Variants in SATB2 observed in about 807,000 individuals in gnomAD.
SATB2 encodes DNA-binding protein SATB2.
SATB2 carries 1 observed loss-of-function variant against 73.4 expected under a neutral mutation model. That is an observed-to-expected ratio of 0.01 (90% CI 0.00 to 0.06). The LOEUF (loss-of-function observed/expected upper bound fraction) is 0.06, where lower values mean the gene tolerates loss of function less well. Ranked by LOEUF, SATB2 falls within the 10% of genes least tolerant of loss-of-function variation. SATB2 has a pLI of 1.00. For missense variants in SATB2, 459 were observed against 945.8 expected (o/e 0.49, Z 6.75); for synonymous variants, 397 against 367.0 (o/e 1.08, Z -0.93).
At chr2:199,279,666 T>C (rs538250544) in intron 10 of SATB2, among the ~76,000 whole-genome samples, 12 of 152,320 alleles carry the variant, frequency 7.9e-5, no homozygotes, top group African/African-American at 2.9e-4. Flanking sequence ...CTTCAGGTCC[T>C]GTAGGGTAAG....
chr2:199,402,780 T>A (rs1373317332), intron 3 of SATB2, among the ~76,000 whole-genome samples: 2 of 152,188 alleles, frequency 1.3e-5, no homozygotes, highest in African/African-American at 2.4e-5. Flanking sequence ...TATTTCATAA[T>A]AAGACATTTA....
intron 3 of SATB2, among the ~76,000 whole-genome samples, chr2:199,430,215 G>T (rs1033524715): frequency 1.3e-5 from 2 of 152,206 alleles, no homozygotes; most frequent in Admixed American, 1.3e-4. Context: ...AATAGTAAAG[G>T]AAGTGGTGAG....
At chr2:199,337,392 T>A (rs984597142) in intron 7 of SATB2, among the ~76,000 whole-genome samples, 1 of 152,252 alleles carries the variant, frequency 6.6e-6, no homozygotes, top group Non-Finnish European at 1.5e-5. Flanking sequence ...ACATGGGTCA[T>A]AATTATTAGT....
intron 10 of SATB2, among the ~76,000 whole-genome samples, chr2:199,273,940 C>T (rs764885919): frequency 2.0e-5 from 3 of 152,120 alleles, no homozygotes; most frequent in Admixed American, 6.5e-5. Flanking sequence ...CTGCAGCCAT[C>T]GCCCACACCT....
rs1296151685 is a variant in SATB2, at chr2:199,270,772, T to C, written c.*1439A>G. 6.6e-6 allele frequency: 1 copy of C among 152,378 alleles called. No homozygotes were observed. The highest frequency in any genetic ancestry group is 1.9e-4 in the East Asian group (1 of 5,342). 9.4% of individuals were successfully genotyped at this position (152,378 alleles called of 1,614,324 possible). A position where few individuals can be genotyped will look rare whatever the true frequency, so the allele number is the denominator to read the frequency against. On this transcript the variant is annotated 3_prime_UTR_variant, in exon 11 of 11. Transcript: ENST00000417098. ...TTACATAAGGTAATTGCGATGTAGG[T>C]AACTGGGATAATGTTTTCTTTTAGG...
At chr2:199,311,477 CTG>C (rs1253893774) in intron 9 of SATB2, among the ~76,000 whole-genome samples, 1 of 152,070 alleles carries the variant, frequency 6.6e-6, no homozygotes, top group Non-Finnish European at 1.5e-5. Context: ...TCAGCTGGTT[CTG>C]TGATTTTTAT....
chr2:199,314,328 T>C (rs1687672474), intron 9 of SATB2, among the ~76,000 whole-genome samples: 1 of 152,194 alleles, frequency 6.6e-6, no homozygotes, highest in South Asian at 2.1e-4. Context: ...GAATGTTTTA[T>C]GGACTCAAAT....
intron 3 of SATB2, among the ~76,000 whole-genome samples, chr2:199,415,183 T>TATA (rs1690938961): frequency 6.6e-6 from 1 of 152,336 alleles, no homozygotes; most frequent in Admixed American, 6.5e-5. Flanking sequence ...AGTACAGACT[T>TATA]ATAACACATA....
At chr2:199,356,559 T>G (rs1688991121) in intron 6 of SATB2, among the ~76,000 whole-genome samples, 1 of 152,084 alleles carries the variant, frequency 6.6e-6, no homozygotes, top group Admixed American at 6.6e-5. Flanking sequence ...CCAGAGAAAT[T>G]TAAAAAATGT....
At chr2:199,458,398 G>A, upstream of SATB2, 1 of 354,276 alleles carries the variant, frequency 2.8e-6, no homozygotes, top group Non-Finnish European at 5.6e-6. Flanking sequence ...GGTCGGAGCG[G>A]GGTGACGAGG....
intron 6 of SATB2, among the ~76,000 whole-genome samples, chr2:199,363,591 C>T (rs142288757): frequency 1.3e-5 from 2 of 152,092 alleles, no homozygotes; most frequent in East Asian, 3.9e-4. Context: ...GTGAATATAG[C>T]TAATAATTGA....
At chr2:199,425,840 G>A (rs1267996109) in intron 3 of SATB2, among the ~76,000 whole-genome samples, 2 of 152,190 alleles carry the variant, frequency 1.3e-5, no homozygotes, top group Non-Finnish European at 2.9e-5. Flanking sequence ...CATTTAATTA[G>A]TATTTCAGGT....
intron 3 of SATB2, among the ~76,000 whole-genome samples, chr2:199,385,316 T>C (rs1047317013): frequency 6.6e-6 from 1 of 152,018 alleles, no homozygotes; most frequent in Non-Finnish European, 1.5e-5. Context: ...TGTATTTTTA[T>C]AGAGACAGGG....
At chr2:199,359,059 T>C (rs914333544) in intron 6 of SATB2, among the ~76,000 whole-genome samples, 1 of 152,322 alleles carries the variant, frequency 6.6e-6, no homozygotes. Flanking sequence ...CAGCACATGA[T>C]AGTAAAAAAA....
chr2:199,368,541 C>T (rs1689354878), intron 6 of SATB2, 64 bp downstream of exon 6: 1 of 952,560 alleles, frequency 1.0e-6, no homozygotes, highest in Non-Finnish European at 1.7e-6. Flanking sequence ...AAATTCCAAA[C>T]AACCAACAAC....
At chr2:199,447,335 T>C (rs1338115086) in intron 2 of SATB2, among the ~76,000 whole-genome samples, 1 of 152,158 alleles carries the variant, frequency 6.6e-6, no homozygotes, top group Non-Finnish European at 1.5e-5. Context: ...GCATTTCAGG[T>C]GACAGTCAGG....
chr2:199,321,572 G>A (rs1304732036), intron 9 of SATB2, among the ~76,000 whole-genome samples: 4 of 149,984 alleles, frequency 2.7e-5, no homozygotes, highest in Non-Finnish European at 5.9e-5. Flanking sequence ...ACACACACAT[G>A]TACACACAGG....
intron 9 of SATB2, among the ~76,000 whole-genome samples, chr2:199,310,831 T>C (rs1026813745): frequency 1.3e-5 from 2 of 152,244 alleles, no homozygotes; most frequent in Admixed American, 6.5e-5. Context: ...GCTTGAGGAC[T>C]GAACTGCATT....
At chr2:199,367,105 CA>C (rs1166719069) in intron 6 of SATB2, among the ~76,000 whole-genome samples, 1 of 152,154 alleles carries the variant, frequency 6.6e-6, no homozygotes, top group Non-Finnish European at 1.5e-5. Context: ...TTTTGATTTT[CA>C]GCCGAAGAGG....
Sources: allele counts gnomAD v4.1 joint callset (sites outside exome capture counted in the v4.1 genomes callset), GRCh38; gene constraint gnomAD v4.1.1; transcripts MANE v1.5; gene names NCBI Gene and HGNC (gene_info 2026-07-23, HGNC 2026-07-21).